The following ROBO1 variants were observed in gnomAD, a reference collection of about 807,000 sequenced individuals.
ROBO1 encodes roundabout homolog 1.
In ROBO1, 149 loss-of-function variants were observed where a neutral mutation model predicts 195.9. The ratio of observed to expected loss-of-function variants is 0.76; its 90% confidence interval spans 0.67 to 0.87. The LOEUF (loss-of-function observed/expected upper bound fraction) is 0.87. ROBO1 is among the 40% of genes least tolerant of loss of function. The pLI, the probability that ROBO1 is intolerant of heterozygous loss-of-function variation, is 0.00. For missense variants in ROBO1, 1,933 were observed against 2,068.3 expected, an observed-to-expected ratio of 0.93 and a Z score of 1.27; for synonymous variants, 816 against 733.2, an observed-to-expected ratio of 1.11 and a Z score of -1.82.
At chr3:78,754,960 G>A (rs547089930) in intron 4 of ROBO1, among the ~76,000 whole-genome samples, 12 of 152,144 alleles carry the variant, frequency 7.9e-5, no homozygotes, top group African/African-American at 1.9e-4. Flanking sequence ...CTTGGATGCC[G>A]TGTAGTGGTA....
At chr3:78,764,828 G>A (rs889910900) in intron 4 of ROBO1, among the ~76,000 whole-genome samples, 4 of 151,984 alleles carry the variant, frequency 2.6e-5, no homozygotes, top group Non-Finnish European at 4.4e-5. Flanking sequence ...AGAGACATAA[G>A]GCCTCTACCG....
chr3:79,449,568 GACAA>G (rs1343908731), intron 2 of ROBO1, among the ~76,000 whole-genome samples: 1 of 152,128 alleles, frequency 6.6e-6, no homozygotes, highest in African/African-American at 2.4e-5. Context: ...GTACATTAAT[GACAA>G]ACAGAAATCT....
chr3:78,681,721 G>A (rs955583881), intron 10 of ROBO1, among the ~76,000 whole-genome samples: 2 of 152,066 alleles, frequency 1.3e-5, no homozygotes, highest in Non-Finnish European at 2.9e-5. Flanking sequence ...TGGCTAACAC[G>A]GTGAAACCCG....
chr3:79,405,017 G>A (rs933771456), intron 2 of ROBO1, among the ~76,000 whole-genome samples: 1 of 151,734 alleles, frequency 6.6e-6, no homozygotes, highest in African/African-American at 2.4e-5. Flanking sequence ...GCCTTGAATT[G>A]GACTCACTGC....
chr3:78,958,318 C>T (rs185634045), intron 3 of ROBO1, among the ~76,000 whole-genome samples: 115 of 152,182 alleles, frequency 7.6e-4, no homozygotes, highest in African/African-American at 2.7e-3. Context: ...GAATCTTATT[C>T]CTTAAAGGGC....
intron 4 of ROBO1, among the ~76,000 whole-genome samples, chr3:78,795,228 AAGTC>A (rs933839620): frequency 3.1e-4 from 47 of 152,174 alleles, no homozygotes; most frequent in African/African-American, 1.1e-3. Context: ...AACATAATAA[AAGTC>A]AGAGCACCAA....
At chr3:79,251,937 AAG>A (rs1240607495) in intron 2 of ROBO1, among the ~76,000 whole-genome samples, 1 of 152,010 alleles carries the variant, frequency 6.6e-6, no homozygotes, top group East Asian at 1.9e-4. Flanking sequence ...GGAAGAGAGC[AAG>A]ACTCAGTCTC....
At chr3:79,355,457 A>G (rs912019310) in intron 2 of ROBO1, among the ~76,000 whole-genome samples, 2 of 152,146 alleles carry the variant, frequency 1.3e-5, no homozygotes, top group East Asian at 3.9e-4. Flanking sequence ...GGAAATATAC[A>G]TTATTGTTAA....
chr3:79,463,399 C>CAAAAAAAAA (rs139236000), intron 2 of ROBO1, among the ~76,000 whole-genome samples: 1 of 140,478 alleles, frequency 7.1e-6, no homozygotes. Context: ...AAACAAAAAA[C>CAAAAAAAAA]AAAAAACAAA....
chr3:78,700,719 G>A (rs1021892090), intron 8 of ROBO1, among the ~76,000 whole-genome samples: 1 of 151,814 alleles, frequency 6.6e-6, no homozygotes, highest in African/African-American at 2.4e-5. Flanking sequence ...TATCAGGTAA[G>A]ACAGGGAGTA....
intron 2 of ROBO1, among the ~76,000 whole-genome samples, chr3:79,210,057 A>G (rs2081942822): frequency 6.6e-6 from 1 of 152,200 alleles, no homozygotes; most frequent in Non-Finnish European, 1.5e-5. Flanking sequence ...GAAATCATAG[A>G]TGACACAAAC....
intron 2 of ROBO1, among the ~76,000 whole-genome samples, chr3:79,576,100 A>G (rs552507622): frequency 6.6e-6 from 1 of 152,124 alleles, no homozygotes; most frequent in African/African-American, 2.4e-5. Context: ...TAAATACTGT[A>G]TCACCTGACA....
In ROBO1 at chr3:79,550,168, G is replaced by GAAGAAAGA. The variant is rs1200148231; in HGVS notation, c.88+39648_88+39655dup. 6.1e-4 allele frequency among the ~76,000 whole-genome samples: 59 copies of GAAGAAAGA among 96,884 alleles called. 2 individuals are homozygous for GAAGAAAGA. Among genetic ancestry groups the GAAGAAAGA allele is most frequent in the African/African-American group, 2.4e-3 (57 of 24,140 alleles). 63.6% of individuals were successfully genotyped at this position (96,884 alleles called of 152,430 possible). A position where few individuals can be genotyped will look rare whatever the true frequency, so the allele number is the denominator to read the frequency against. ...AAAAGAAAGGAAGAAAGAAAGAAAG[G>GAAGAAAGA]AAGAAAGAAAGAAAGAAAGAAAGAA... On this transcript the variant is annotated intron_variant, in intron 2 of 30. Transcript: ENST00000464233.
chr3:79,508,581 A>G (rs1287059641), intron 2 of ROBO1, among the ~76,000 whole-genome samples: 1 of 152,196 alleles, frequency 6.6e-6, no homozygotes, highest in Non-Finnish European at 1.5e-5. Context: ...AATAAAAGCA[A>G]TTTCCACCAA....
intron 2 of ROBO1, among the ~76,000 whole-genome samples, chr3:79,193,807 G>T (rs954080464): frequency 1.3e-5 from 2 of 151,308 alleles, no homozygotes; most frequent in Non-Finnish European, 3.0e-5. Flanking sequence ...AAACTAGTTT[G>T]CTAGAGAAGA....
intron 1 of ROBO1, among the ~76,000 whole-genome samples, chr3:79,633,157 T>G (rs898738705): frequency 3.4e-5 from 5 of 148,624 alleles, no homozygotes; most frequent in African/African-American, 1.2e-4. Context: ...AAGGGTTTGA[T>G]TTTTACATAT....
chr3:79,323,470 C>G (rs1283986406), intron 2 of ROBO1, among the ~76,000 whole-genome samples: 1 of 152,116 alleles, frequency 6.6e-6, no homozygotes, highest in Non-Finnish European at 1.5e-5. Context: ...TTAAATGTAT[C>G]ATTAGCTTAT....
intron 1 of ROBO1, among the ~76,000 whole-genome samples, chr3:79,599,173 C>T (rs995258274): frequency 4.0e-5 from 6 of 151,802 alleles, no homozygotes; most frequent in Non-Finnish European, 8.8e-5. Context: ...CTTTTATAAC[C>T]CTGCATGTGA....
intron 4 of ROBO1, among the ~76,000 whole-genome samples, chr3:78,827,006 A>G (rs923540041): frequency 3.3e-5 from 5 of 152,174 alleles, no homozygotes; most frequent in African/African-American, 1.2e-4. Context: ...TTTTATTTAT[A>G]TTATATAAAA....
Sources: allele counts gnomAD v4.1 joint callset (sites outside exome capture counted in the v4.1 genomes callset), GRCh38; gene constraint gnomAD v4.1.1; transcripts MANE v1.5; gene names NCBI Gene and HGNC (gene_info 2026-07-23, HGNC 2026-07-21).